OSBPL5: variants seen among roughly 807,000 people sequenced by gnomAD.
The protein encoded by OSBPL5 is oxysterol-binding protein-related protein 5.
In OSBPL5, 71 loss-of-function variants were observed where a neutral mutation model predicts 111.2. The observed-to-expected ratio is 0.64, with a 90% CI of 0.53 to 0.78. The LOEUF is 0.78. OSBPL5 is among the 30% of genes least tolerant of loss of function. OSBPL5 has a pLI of 0.00. For missense variants in OSBPL5, 1,210 were observed against 1,189.3 expected, an observed-to-expected ratio of 1.02 and a Z score of -0.26; for synonymous variants, 549 against 513.9, an observed-to-expected ratio of 1.07 and a Z score of -0.93.
Position 3,103,744 on chromosome 11 carries a change from A to AGCCCCTTTCC in OSBPL5, c.1245-425_1245-424insGGAAAGGGGC, listed in dbSNP as rs200845515. ...CTCTGCTGCCCCTTCCTGCCTCTGC[A>AGCCCCTTTCC]ACCCTCTTCCAGCTCTGCAGCCCCC... On this transcript the variant is annotated intron_variant, in intron 10 of 21. Transcript: ENST00000263650. Among the ~76,000 whole-genome samples the AGCCCCTTTCC allele has an allele frequency of 7.1e-4, 33 of 46,284 alleles. 2 individuals carry two copies. The South Asian group carries it at 9.2e-3, about 13-fold the overall frequency. The allele number at this position is 46,284 out of a possible 152,430, so 30.4% of individuals were successfully genotyped here. A position where few individuals can be genotyped will look rare whatever the true frequency, so the allele number is the denominator to read the frequency against.
Position 3,142,826 on chromosome 11 carries a change from A to T in OSBPL5, c.-21-13657T>A, listed in dbSNP as rs1846170318. On this transcript the variant is annotated intron_variant, in intron 1 of 21. Coordinates refer to ENST00000263650, the MANE Select transcript of OSBPL5 (RefSeq NM_020896.4). This position sits in a 1 kb window ranked among gnomAD's most constrained non-coding sequence, Gnocchi z 7.1. ...CATGCAGCCTTGCGGGTAGAAGGGCAGTGACTGCCCACTCCTTGCACACAA... is the reference window on the plus strand; with the variant it reads ...CATGCAGCCTTGCGGGTAGAAGGGCTGTGACTGCCCACTCCTTGCACACAA... Among the ~76,000 whole-genome samples, 1 of 151,982 alleles carries T rather than the reference A, an allele frequency of 6.6e-6. No homozygotes were observed. The highest frequency in any genetic ancestry group is 2.4e-5 in the African/African-American group (1 of 41,394).
At chr11:3,127,368 A>G (rs1858663489) in intron 2 of OSBPL5, among the ~76,000 whole-genome samples, 1 of 152,252 alleles carries the variant, frequency 6.6e-6, no homozygotes, top group Non-Finnish European at 1.5e-5. Context: ...GACAGACGCC[A>G]CAGACCAGCT....
In OSBPL5 at chr11:3,146,791, G is replaced by A. The variant is rs1000003135; in HGVS notation, c.-21-17622C>T. On this transcript the variant is annotated intron_variant, in intron 1 of 21. Transcript: ENST00000263650. The surrounding 1 kb of genome is among the most constrained non-coding windows in gnomAD (Gnocchi z 7.8). ...TGTACAGCCTGTCCCGAAGCGGCCT[G>A]GCACAGGGCAGCAGACTGCAGGGTC... The A allele has an allele frequency of 7.9e-5, 12 of 152,210 alleles. No homozygotes were observed. Among genetic ancestry groups the A allele is most frequent in the African/African-American group, 2.9e-4 (12 of 41,416 alleles). 9.4% of individuals were successfully genotyped at this position (152,210 alleles called of 1,614,324 possible).
Position 3,140,695 on chromosome 11 carries a change from G to A in OSBPL5, c.-21-11526C>T, listed in dbSNP as rs1846082177. Among the ~76,000 whole-genome samples, 1 of 152,180 alleles carries A rather than the reference G, an allele frequency of 6.6e-6. No homozygotes were observed. Among genetic ancestry groups the A allele is most frequent in the African/African-American group, 2.4e-5 (1 of 41,426 alleles). On this transcript the variant is annotated intron_variant, in intron 1 of 21. Transcript: ENST00000263650. This position sits in a 1 kb window ranked among gnomAD's most constrained non-coding sequence, Gnocchi z 4.5. ...ACCCAGGACTGGCTGTAGGAGCCTT[G>A]TTTCCAAGACCAGAGAGGTCATAAG...
chr11:3,100,230 C>T lies in OSBPL5; in HGVS notation c.1549G>A (p.Gly517Ser), dbSNP rs767142123. ...YGNSLSALLD[G>S]KATLTFLNRA... is the part of the protein sequence containing the mutation. ...TTCAGGAAGGTGAGCGTGGCTTTGC[C>T]GTCCAGCAGCGCCGACAGCGAGTTC... The change falls in exon 14 of 22, where the codon GGC becomes AGC. Residue 517 changes from glycine (G) to serine (S), a missense_variant. Gly to Ser is a moderately conservative substitution (Grantham distance 56). Transcript: ENST00000263650. 6.2e-6 allele frequency: 10 copies of T among 1,613,880 alleles called. No individual in the cohort carries two copies. The highest frequency in any genetic ancestry group is 4.5e-5 in the East Asian group (2 of 44,880).
At chr11:3,111,677 C>T (rs1857938534) in intron 7 of OSBPL5, among the ~76,000 whole-genome samples, 1 of 152,062 alleles carries the variant, frequency 6.6e-6, no homozygotes, top group African/African-American at 2.4e-5. Flanking sequence ...ATTCCCCTCC[C>T]CACCCCCACA....
rs939071805 is a variant in OSBPL5, at chr11:3,141,561, T to A, written c.-21-12392A>T. Reference sequence around the variant, plus strand: ...TGTTCAGGAAATGGCATTAATGGGGTCCATTATGGCCCGAGTTGCGCAGAG... The same window carrying A: ...TGTTCAGGAAATGGCATTAATGGGGACCATTATGGCCCGAGTTGCGCAGAG... On this transcript the variant is annotated intron_variant, in intron 1 of 21. Transcript: ENST00000263650. This position sits in a 1 kb window ranked among gnomAD's most constrained non-coding sequence, Gnocchi z 6.5. Among the ~76,000 whole-genome samples, 2 of 151,970 alleles carry A rather than the reference T, an allele frequency of 1.3e-5. No homozygotes were observed. The highest frequency in any genetic ancestry group is 6.6e-5 in the Admixed American group (1 of 15,258).
Position 3,130,365 on chromosome 11 carries a change from G to A in OSBPL5, c.-21-1196C>T, listed in dbSNP as rs1474374284. 1.3e-5 allele frequency among the ~76,000 whole-genome samples: 2 copies of A among 152,230 alleles called. No homozygotes were observed. Among genetic ancestry groups the A allele is most frequent in the African/African-American group, 2.4e-5 (1 of 41,462 alleles). ...AGGCCAGTGGCATCCTGCCAAGCCCGGGACAAAGGCCTCGATTTCTCCCAT... is the reference window on the plus strand; with the variant it reads ...AGGCCAGTGGCATCCTGCCAAGCCCAGGACAAAGGCCTCGATTTCTCCCAT... On this transcript the variant is annotated intron_variant, in intron 1 of 21. Coordinates refer to ENST00000263650, the MANE Select transcript of OSBPL5 (RefSeq NM_020896.4). The surrounding 1 kb of genome is among the most constrained non-coding windows in gnomAD (Gnocchi z 4.5).
chr11:3,107,034 C>T lies in OSBPL5; in HGVS notation c.1059+229G>A, dbSNP rs948759814. On this transcript the variant is annotated intron_variant, in intron 9 of 21. Coordinates refer to ENST00000263650, the MANE Select transcript of OSBPL5 (RefSeq NM_020896.4). The surrounding 1 kb of genome is among the most constrained non-coding windows in gnomAD (Gnocchi z 6.1). ...GCAGCAAACCCCTGCCCGATCCCCGCATCTGCATGCCAGCCAGCCAGCCAG... is the reference window on the plus strand; with the variant it reads ...GCAGCAAACCCCTGCCCGATCCCCGTATCTGCATGCCAGCCAGCCAGCCAG... Among the ~76,000 whole-genome samples the T allele has an allele frequency of 6.6e-6, 1 of 151,176 alleles. No individual in the cohort carries two copies. The highest frequency in any genetic ancestry group is 1.5e-5 in the Non-Finnish European group (1 of 67,832).
At chr11:3,150,411 A>G (rs1846543015) in intron 1 of OSBPL5, among the ~76,000 whole-genome samples, 1 of 151,984 alleles carries the variant, frequency 6.6e-6, no homozygotes. Flanking sequence ...AGCCTTGGGG[A>G]GGAACCCAGC....
intron 1 of OSBPL5, among the ~76,000 whole-genome samples, chr11:3,134,552 T>C (rs10833323): frequency 0.5 from 75,447 of 152,160 alleles, 20,382 homozygotes; most frequent in Non-Finnish European, 0.61. Flanking sequence ...CCATCCCAGG[T>C]GGGTGCCCTG....
chr11:3,103,800 G>A (rs1210911344), intron 10 of OSBPL5, among the ~76,000 whole-genome samples: 1 of 43,036 alleles, frequency 2.3e-5, no homozygotes, highest in East Asian at 1.0e-3. Context: ...TCCTGCCTCT[G>A]CAGCCCTCTT....
rs144656377 is a variant in OSBPL5 at position 3,120,619 on chromosome 11, G to A, written c.408C>T (p.Arg136=). The A allele has an allele frequency of 2.8e-5, 45 of 1,612,430 alleles. No individual in the cohort carries two copies. In the African/African-American group the frequency reaches 3.6e-4, roughly 13 times the overall value. ...VVIMADSLKI[R]GTLKSWTKLW... ...GCTTGGTCCAGCTCTTCAGGGTGCC[G>A]CGGATCTGCAGGGAGGATGCTGGCG... Residue 136 remains arginine, a synonymous_variant, in exon 6 of 22, where the codon CGC becomes CGT. Transcript: ENST00000263650.
intron 1 of OSBPL5, among the ~76,000 whole-genome samples, chr11:3,131,791 A>ATCCAT (rs1173738620): frequency 1.1e-5 from 1 of 90,774 alleles, no homozygotes; most frequent in Non-Finnish European, 2.1e-5. Flanking sequence ...CCATCCATCC[A>ATCCAT]CCTACCCATT....
rs1858407992 is a variant in OSBPL5, at chr11:3,121,303, C to T, written c.403-679G>A. On this transcript the variant is annotated intron_variant, in intron 5 of 21. Coordinates refer to ENST00000263650, the MANE Select transcript of OSBPL5 (RefSeq NM_020896.4). This position sits in a 1 kb window ranked among gnomAD's most constrained non-coding sequence, Gnocchi z 4.3. ...AAACTCCTGACCTCAGGTGATCCACCCGCCTTAGCCTCCCAAAGTGTTGGG... is the reference window on the plus strand; with the variant it reads ...AAACTCCTGACCTCAGGTGATCCACTCGCCTTAGCCTCCCAAAGTGTTGGG... Among the ~76,000 whole-genome samples the T allele has an allele frequency of 6.6e-6, 1 of 152,138 alleles. No individual in the cohort carries two copies. The highest frequency in any genetic ancestry group is 1.9e-4 in the East Asian group (1 of 5,194).
At chr11:3,118,418 G>A (rs12287346) in intron 7 of OSBPL5, among the ~76,000 whole-genome samples, 4 of 151,980 alleles carry the variant, frequency 2.6e-5, no homozygotes, top group African/African-American at 9.7e-5. Context: ...TTTCCAGACC[G>A]AACCAATGTT....
At chr11:3,103,177 G>A (rs1029240799) in intron 11 of OSBPL5, 62 bp downstream of exon 11, 8 of 1,458,630 alleles carry the variant, frequency 5.5e-6, no homozygotes, top group Middle Eastern at 1.7e-4. Flanking sequence ...GCCAAGGGAC[G>A]AGGGCTGAGC....
At chr11:3,152,190 A>C (rs1461882258) in intron 1 of OSBPL5, among the ~76,000 whole-genome samples, 2 of 152,216 alleles carry the variant, frequency 1.3e-5, no homozygotes, top group African/African-American at 4.8e-5. Context: ...ATGTGAGTCC[A>C]TGTGGCCAGG....
chr11:3,102,024 G>C (rs942862299), intron 12 of OSBPL5, among the ~76,000 whole-genome samples, 159 bp downstream of exon 12: 1 of 152,194 alleles, frequency 6.6e-6, no homozygotes, highest in Non-Finnish European at 1.5e-5. Context: ...GTTGGCAGCG[G>C]CTGGGTCCAC....
Sources: allele counts gnomAD v4.1 joint callset (sites outside exome capture counted in the v4.1 genomes callset), GRCh38; gene constraint gnomAD v4.1.1; non-coding constraint Gnocchi (gnomAD v3.1); transcripts MANE v1.5; gene names NCBI Gene and HGNC (gene_info 2026-07-23, HGNC 2026-07-21).